The following GOLM2 variants were observed in gnomAD, a reference collection of about 807,000 sequenced individuals.
The protein encoded by GOLM2 is protein GOLM2.
A neutral mutation model predicts 55.9 loss-of-function variants in GOLM2; 26 were observed. The ratio of observed to expected loss-of-function variants is 0.47; its 90% CI spans 0.34 to 0.65. The LOEUF (loss-of-function observed/expected upper bound fraction) is 0.65. Ranked by LOEUF, GOLM2 falls within the 30% of genes least tolerant of loss-of-function variation. The probability of loss-of-function intolerance (pLI) is 0.01; values close to 1 mark genes in which losing one functional copy is unlikely to be tolerated. For missense variants in GOLM2, 486 were observed against 531.8 expected (o/e 0.91, Z 0.85); for synonymous variants, 165 against 194.6 (o/e 0.85, Z 1.27).
chr15:44,323,055 G>A, intron 2 of GOLM2, 36 bp downstream of exon 2: 1 of 1,394,238 alleles, frequency 7.2e-7, no homozygotes, highest in Non-Finnish European at 9.7e-7. Context: ...GATAAACCAA[G>A]GTCACTAAAT....
At chr15:44,376,667 A>G (rs1041653612) in intron 6 of GOLM2, among the ~76,000 whole-genome samples, 1 of 152,196 alleles carries the variant, frequency 6.6e-6, no homozygotes, top group African/African-American at 2.4e-5. Flanking sequence ...AGTATCTCCT[A>G]TACAAAATTG....
chr15:44,330,162 G>A lies in GOLM2; in HGVS notation c.485+1375G>A, dbSNP rs1243408664. On this transcript the variant is annotated intron_variant, in intron 3 of 9. Coordinates refer to ENST00000299957, the MANE Select transcript of GOLM2 (RefSeq NM_138423.4). Reference sequence around the variant, plus strand: ...CCTGACCTCGTGATCCACCCGCCTCGGCCTCCCAAAGTGCTGGGATTACAG... The same window carrying A: ...CCTGACCTCGTGATCCACCCGCCTCAGCCTCCCAAAGTGCTGGGATTACAG... Among the ~76,000 whole-genome samples the A allele has an allele frequency of 1.3e-4, 18 of 143,016 alleles. No individual in the cohort carries two copies. The South Asian group carries it at 3.1e-3, about 25-fold the overall frequency. The allele number at this position is 143,016 out of a possible 152,430, so 93.8% of individuals were successfully genotyped here. A position where few individuals can be genotyped will look rare whatever the true frequency, so the allele number is the denominator to read the frequency against.
chr15:44,377,813 T>C (rs1377475285), intron 6 of GOLM2, among the ~76,000 whole-genome samples: 1 of 151,800 alleles, frequency 6.6e-6, no homozygotes, highest in African/African-American at 2.4e-5. Context: ...ATAAAAAAGA[T>C]TATAAGATAG....
intron 1 of GOLM2, among the ~76,000 whole-genome samples, chr15:44,291,718 T>C (rs1405682427): frequency 6.6e-6 from 1 of 152,242 alleles, no homozygotes; most frequent in Non-Finnish European, 1.5e-5. Context: ...CTGGATTTAT[T>C]TTTTCTTTCC....
At chr15:44,397,573 ACTT>A (rs567994804) in intron 8 of GOLM2, among the ~76,000 whole-genome samples, 25 of 150,972 alleles carry the variant, frequency 1.7e-4, no homozygotes, top group Non-Finnish European at 2.9e-4. Flanking sequence ...TGCCCTCATT[ACTT>A]CTTTTTTCTC....
At chr15:44,319,858 G>A (rs1399332143) in intron 1 of GOLM2, among the ~76,000 whole-genome samples, 2 of 152,110 alleles carry the variant, frequency 1.3e-5, no homozygotes, top group Non-Finnish European at 2.9e-5. Flanking sequence ...CAAAGTGTTG[G>A]GATTACAGGC....
chr15:44,341,326 T>G (rs2079089375), intron 6 of GOLM2, among the ~76,000 whole-genome samples: 1 of 152,110 alleles, frequency 6.6e-6, no homozygotes, highest in Admixed American at 6.5e-5. Flanking sequence ...GTGATCCGCC[T>G]GCCTCAGCCT....
intron 8 of GOLM2, among the ~76,000 whole-genome samples, chr15:44,383,675 C>CTTT (rs761209421): frequency 2.4e-5 from 3 of 125,898 alleles, no homozygotes; most frequent in Non-Finnish European, 3.4e-5. Context: ...TTCTTTTTTT[C>CTTT]TTTTTTTTTT....
At chr15:44,387,850 T>A (rs2079457637) in intron 8 of GOLM2, among the ~76,000 whole-genome samples, 1 of 152,176 alleles carries the variant, frequency 6.6e-6, no homozygotes, top group Admixed American at 6.6e-5. Flanking sequence ...AAAAGGTCTT[T>A]ATTTGTATAT....
Position 44,293,179 on chromosome 15 carries a change from C to T in GOLM2, c.327+3823C>T, listed in dbSNP as rs554260365. Among the ~76,000 whole-genome samples the T allele has an allele frequency of 5.3e-5, 8 of 152,258 alleles. No homozygotes were observed. The South Asian group carries it at 1.7e-3, about 32-fold the overall frequency. On this transcript the variant is annotated intron_variant, in intron 1 of 9. Transcript: ENST00000299957. ...AAAACTAAACAAGTGATCCTCCTGC[C>T]TTGGCCTTCTAAAGTGCCAGGTGTG...
intron 6 of GOLM2, among the ~76,000 whole-genome samples, chr15:44,366,173 T>G (rs980809030): frequency 6.6e-6 from 1 of 151,786 alleles, no homozygotes; most frequent in African/African-American, 2.4e-5. Flanking sequence ...GGCGGGCGCC[T>G]GTAGTCCCAG....
At chr15:44,290,892 C>CT (rs1315211251) in intron 1 of GOLM2, among the ~76,000 whole-genome samples, 13 of 151,932 alleles carry the variant, frequency 8.6e-5, no homozygotes, top group African/African-American at 3.1e-4. Flanking sequence ...ACCTCCGCCC[C>CT]CCCGGGGTTC....
At chr15:44,401,433 T>C (rs2079564770) in intron 8 of GOLM2, among the ~76,000 whole-genome samples, 1 of 152,048 alleles carries the variant, frequency 6.6e-6, no homozygotes. Context: ...CCCAGCTAAT[T>C]TTTGTATTTT....
In GOLM2 at chr15:44,288,842, A is replaced by G; in HGVS notation, c.-188A>G. ...GAACGCGTTTTGGCCTGATTTGAGG[A>G]GGGGGGCGGGGAGGGACCTGCGGCT... On this transcript the variant is annotated 5_prime_UTR_variant, in exon 1 of 10. Transcript: ENST00000299957. The G allele has an allele frequency of 6.8e-6, 4 of 592,400 alleles. No individual in the cohort carries two copies. The highest frequency in any genetic ancestry group is 1.2e-5 in the Non-Finnish European group (4 of 338,532). The allele number at this position is 592,400 out of a possible 1,614,324, so 36.7% of individuals were successfully genotyped here.
At chr15:44,298,239 A>C (rs2078771548) in intron 1 of GOLM2, among the ~76,000 whole-genome samples, 1 of 151,024 alleles carries the variant, frequency 6.6e-6, no homozygotes, top group Non-Finnish European at 1.5e-5. Context: ...TCTGACCTGG[A>C]ATATGCTTTT....
At chr15:44,316,484 G>A (rs375730927) in intron 1 of GOLM2, among the ~76,000 whole-genome samples, 6 of 152,276 alleles carry the variant, frequency 3.9e-5, no homozygotes, top group East Asian at 1.9e-4. Context: ...GGCCCGGCGC[G>A]GTGGCTCACG....
At chr15:44,381,067 T>G in intron 8 of GOLM2, 91 bp downstream of exon 8, 1 of 730,962 alleles carries the variant, frequency 1.4e-6, no homozygotes, top group East Asian at 3.2e-5. Context: ...CTAATAAATG[T>G]ATAGTGAAGT....
Position 44,415,544 on chromosome 15 carries a change from A to G in GOLM2, c.*2138A>G, listed in dbSNP as rs1193236184. On this transcript the variant is annotated 3_prime_UTR_variant, in exon 10 of 10. Transcript: ENST00000299957. ...AATTGATAATATTTCTGACTGTATT[A>G]ATATTTTAGTGCTATAAAATACTAT... 1 of 152,644 alleles carries G rather than the reference A, an allele frequency of 6.6e-6. No homozygotes were observed. Among genetic ancestry groups the G allele is most frequent in the East Asian group, 1.9e-4 (1 of 5,202 alleles). 9.5% of individuals were successfully genotyped at this position (152,644 alleles called of 1,614,324 possible).
At chr15:44,314,695 C>T (rs1470912368) in intron 1 of GOLM2, among the ~76,000 whole-genome samples, 1 of 152,102 alleles carries the variant, frequency 6.6e-6, no homozygotes, top group East Asian at 1.9e-4. Context: ...TCTGTGTGAA[C>T]TATGAGTAGT....
Sources: allele counts gnomAD v4.1 joint callset (sites outside exome capture counted in the v4.1 genomes callset), GRCh38; gene constraint gnomAD v4.1.1; transcripts MANE v1.5; gene names NCBI Gene and HGNC (gene_info 2026-07-23, HGNC 2026-07-21).